The following GALNTL6 variants were observed in gnomAD, a reference collection of about 807,000 sequenced individuals.
GALNTL6 encodes the protein polypeptide N-acetylgalactosaminyltransferase like 6.
A neutral mutation model predicts 73.7 loss-of-function variants in GALNTL6; 46 were observed. That is an observed-to-expected ratio of 0.62 (90% confidence interval 0.49 to 0.80). The LOEUF is 0.80. Ranked by LOEUF, GALNTL6 falls within the 30% of genes least tolerant of loss-of-function variation. GALNTL6 has a pLI of 0.00. For synonymous variants in GALNTL6, 259 were observed against 263.7 expected, an observed-to-expected ratio of 0.98 and a Z score of 0.17; for missense variants, 604 against 755.0, an observed-to-expected ratio of 0.80 and a Z score of 2.34.
intron 2 of GALNTL6, among the ~76,000 whole-genome samples, chr4:172,187,185 T>C (rs895419331): frequency 1.5e-4 from 23 of 152,122 alleles, no homozygotes; most frequent in Non-Finnish European, 2.8e-4. Context: ...TTCATGATAT[T>C]TATATATTTC....
intron 2 of GALNTL6, among the ~76,000 whole-genome samples, chr4:171,921,793 A>T (rs937661989): frequency 1.3e-5 from 2 of 152,104 alleles, no homozygotes; most frequent in Non-Finnish European, 2.9e-5. Context: ...TGCTGTTACT[A>T]ATTCACCTAG....
intron 10 of GALNTL6, among the ~76,000 whole-genome samples, chr4:172,990,348 C>G (rs928436144): frequency 3.9e-5 from 6 of 152,106 alleles, no homozygotes; most frequent in African/African-American, 1.4e-4. Context: ...TAGGAGTATA[C>G]TTTCTTCAAT....
At chr4:171,904,013 C>T (rs952116884) in intron 2 of GALNTL6, among the ~76,000 whole-genome samples, 1 of 151,962 alleles carries the variant, frequency 6.6e-6, no homozygotes, top group African/African-American at 2.4e-5. Context: ...TCATCAAAGA[C>T]CAAAAGTAGA....
At chr4:172,407,572 G>A (rs896509894) in intron 5 of GALNTL6, among the ~76,000 whole-genome samples, 3 of 151,986 alleles carry the variant, frequency 2.0e-5, no homozygotes, top group South Asian at 2.1e-4. Context: ...GTAAGATATT[G>A]AACTTCATAT....
chr4:172,522,674 C>A lies in GALNTL6; in HGVS notation c.553+173985C>A, dbSNP rs550668250. Among the ~76,000 whole-genome samples, 18 of 64,088 alleles carry A rather than the reference C, an allele frequency of 2.8e-4. No individual in the cohort carries two copies. In the South Asian group the frequency reaches 5.5e-3, roughly 20 times the overall value. 42.0% of individuals were successfully genotyped at this position (64,088 alleles called of 152,430 possible). A position where few individuals can be genotyped will look rare whatever the true frequency, so the allele number is the denominator to read the frequency against. On this transcript the variant is annotated intron_variant, in intron 5 of 12. Transcript: ENST00000506823. ...AACGAGTGAAACTCAGTCCCCCCCC[C>A]CCCCAAAAAAAAAGTGTATTTTACT...
rs181886845 is a variant in GALNTL6, at chr4:172,167,935, C to A, written c.139-61721C>A. On this transcript the variant is annotated intron_variant, in intron 2 of 12. Transcript: ENST00000506823. The stretch of plus-strand genomic sequence containing the variant: ...GATTGCGCCACTGCAGTCCGCAGTC[C>A]GGCCTGGGCAACAGAGCGAGACTCC... Among the ~76,000 whole-genome samples the A allele has an allele frequency of 4.1e-5, 6 of 145,338 alleles. No homozygotes were observed. The East Asian group carries it at 1.2e-3, about 30-fold the overall frequency.
chr4:172,921,408 C>A (rs910476600), intron 8 of GALNTL6, among the ~76,000 whole-genome samples: 1 of 152,118 alleles, frequency 6.6e-6, no homozygotes, highest in Non-Finnish European at 1.5e-5. Context: ...TTCTCTATGT[C>A]CAAATTTCAG....
chr4:172,379,520 G>C (rs1364699087), intron 5 of GALNTL6, among the ~76,000 whole-genome samples: 1 of 111,448 alleles, frequency 9.0e-6, no homozygotes, highest in African/African-American at 3.4e-5. Flanking sequence ...CTGGGCGACA[G>C]AGCGAGACTC....
At chr4:172,074,076 T>A (rs547655480) in intron 2 of GALNTL6, among the ~76,000 whole-genome samples, 1 of 152,190 alleles carries the variant, frequency 6.6e-6, no homozygotes, top group Admixed American at 6.5e-5. Flanking sequence ...TTGTGACTAA[T>A]CTCAATAACG....
intron 5 of GALNTL6, among the ~76,000 whole-genome samples, chr4:172,709,266 G>A (rs1327460872): frequency 6.6e-6 from 1 of 152,112 alleles, no homozygotes; most frequent in Non-Finnish European, 1.5e-5. Context: ...AACAAGATTG[G>A]AGGCAGTGCT....
chr4:171,837,196 G>C (rs978420525), intron 2 of GALNTL6, among the ~76,000 whole-genome samples: 5 of 152,106 alleles, frequency 3.3e-5, no homozygotes, highest in Admixed American at 1.3e-4. Context: ...GAATCAAATA[G>C]TGAAACAGCA....
chr4:172,910,497 A>G (rs997392705), intron 8 of GALNTL6, among the ~76,000 whole-genome samples: 2 of 152,210 alleles, frequency 1.3e-5, no homozygotes, highest in African/African-American at 4.8e-5. Context: ...CTGGCTCAAT[A>G]TGCATTCTCT....
chr4:173,040,500 A>T lies in GALNTL6; in HGVS notation c.*400A>T, dbSNP rs541841605. The T allele has an allele frequency of 1.7e-5, 3 of 174,956 alleles. No homozygotes were observed. The East Asian group carries it at 5.1e-4, about 30-fold the overall frequency. The allele number at this position is 174,956 out of a possible 1,614,324, so 10.8% of individuals were successfully genotyped here. A position where few individuals can be genotyped will look rare whatever the true frequency, so the allele number is the denominator to read the frequency against. ...GCATGACTGCTCTGACAACCTGAGGATATCACAGGTTTAGAACTAGCCAAG... is the reference window on the plus strand; with the variant it reads ...GCATGACTGCTCTGACAACCTGAGGTTATCACAGGTTTAGAACTAGCCAAG... On this transcript the variant is annotated 3_prime_UTR_variant, in exon 13 of 13. Coordinates refer to ENST00000506823, the MANE Select transcript of GALNTL6 (RefSeq NM_001034845.3).
intron 2 of GALNTL6, among the ~76,000 whole-genome samples, chr4:172,196,541 T>C (rs933983222): frequency 6.6e-6 from 1 of 152,084 alleles, no homozygotes; most frequent in African/African-American, 2.4e-5. Flanking sequence ...GATGCAAAAA[T>C]CCTTAATAAA....
chr4:172,933,711 C>T (rs1327958187), intron 9 of GALNTL6, among the ~76,000 whole-genome samples: 2 of 152,080 alleles, frequency 1.3e-5, no homozygotes, highest in Non-Finnish European at 1.5e-5. Flanking sequence ...TCAACTACCT[C>T]GCTACATGCT....
At chr4:172,855,616 T>C (rs1744084092) in intron 7 of GALNTL6, among the ~76,000 whole-genome samples, 1 of 152,164 alleles carries the variant, frequency 6.6e-6, no homozygotes, top group African/African-American at 2.4e-5. Flanking sequence ...TGTCTAAGGC[T>C]CTCTGAATGT....
chr4:172,258,987 A>G (rs1483144747), intron 3 of GALNTL6, among the ~76,000 whole-genome samples: 1 of 151,120 alleles, frequency 6.6e-6, no homozygotes, highest in African/African-American at 2.4e-5. Flanking sequence ...TTCTTTATCT[A>G]CTTGTTGGTT....
intron 3 of GALNTL6, among the ~76,000 whole-genome samples, chr4:172,247,831 A>G (rs1034716643): frequency 2.6e-5 from 4 of 152,190 alleles, no homozygotes; most frequent in African/African-American, 7.2e-5. Context: ...CTCTTTAGTA[A>G]TTTAAATTGT....
chr4:172,406,297 C>T (rs1447514682), intron 5 of GALNTL6, among the ~76,000 whole-genome samples: 1 of 151,966 alleles, frequency 6.6e-6, no homozygotes, highest in Non-Finnish European at 1.5e-5. Flanking sequence ...GCTGGGACCA[C>T]AGGCATGTGC....
Sources: allele counts gnomAD v4.1 joint callset (sites outside exome capture counted in the v4.1 genomes callset), GRCh38; gene constraint gnomAD v4.1.1; transcripts MANE v1.5; gene names NCBI Gene and HGNC (gene_info 2026-07-23, HGNC 2026-07-21).